Variants in SEPTIN12 observed in about 807,000 individuals in gnomAD.
SEPTIN12 encodes the protein septin-12.
A neutral mutation model predicts 37.7 loss-of-function variants in SEPTIN12; 42 were observed. The ratio of observed to expected loss-of-function variants is 1.11; its 90% CI spans 0.87 to 1.44. The LOEUF (loss-of-function observed/expected upper bound fraction) is 1.44, where lower values mean the gene tolerates loss of function less well. Among genes scored for constraint, SEPTIN12 ranks in the 40% most tolerant of loss-of-function variants. The pLI is 0.00. For missense variants in SEPTIN12, 613 were observed against 479.2 expected (o/e 1.28, Z -2.61); for synonymous variants, 254 against 196.7 (o/e 1.29, Z -2.44).
At chr16:4,789,185 T>A (rs2082508869), upstream of SEPTIN12, among the ~76,000 whole-genome samples, 1 of 152,062 alleles carries the variant, frequency 6.6e-6, no homozygotes, top group Admixed American at 6.5e-5. Context: ...GCTAATTTTG[T>A]ATTTTTAGTA....
intron 7 of SEPTIN12, among the ~76,000 whole-genome samples, chr16:4,781,956 T>TTTTTTTTTTTTTG (rs2082376859): frequency 8.0e-6 from 1 of 124,910 alleles, no homozygotes; most frequent in Non-Finnish European, 1.7e-5. Flanking sequence ...TTTTTTTTTT[T>TTTTTTTTTTTTTG]TTTTTTTTTT....
At chr16:4,783,835 G>A (rs892247102) in intron 5 of SEPTIN12, 69 bp from the exon 6 acceptor site, 5 of 1,598,044 alleles carry the variant, frequency 3.1e-6, no homozygotes, top group East Asian at 2.2e-5. Flanking sequence ...AGCAGGGCAC[G>A]GGGGTGGGGG....
chr16:4,786,547 G>T (rs2082452245), intron 2 of SEPTIN12, among the ~76,000 whole-genome samples: 1 of 151,874 alleles, frequency 6.6e-6, no homozygotes, highest in African/African-American at 2.4e-5. Flanking sequence ...AGTAGAGACG[G>T]GGTTTCACCA....
chr16:4,791,606 C>G (rs1206483670), upstream of SEPTIN12, among the ~76,000 whole-genome samples: 1 of 152,308 alleles, frequency 6.6e-6, no homozygotes, highest in African/African-American at 2.4e-5. Context: ...GTCCAGAAGT[C>G]TGACTCACCG....
Position 4,783,781 on chromosome 16 carries a change from G to A in SEPTIN12, c.513-15C>T, listed in dbSNP as rs1317548105. 4 of 1,611,806 alleles carry A rather than the reference G, an allele frequency of 2.5e-6. No homozygotes were observed. The highest frequency in any genetic ancestry group is 1.7e-5 in the Admixed American group (1 of 60,014). On this transcript the variant is annotated splice_polypyrimidine_tract_variant and intron_variant, in intron 5 of 9. Coordinates refer to ENST00000268231, the MANE Select transcript of SEPTIN12 (RefSeq NM_144605.5). Reference sequence around the variant, plus strand: ...GGGGCCGCAGGCTGCCGGAGGCAGGGCAGTGATGGGGGTGGCGGTGGTGGT... The same window carrying A: ...GGGGCCGCAGGCTGCCGGAGGCAGGACAGTGATGGGGGTGGCGGTGGTGGT...
At chr16:4,784,969 G>T (rs866447958) in intron 4 of SEPTIN12, among the ~76,000 whole-genome samples, 1 of 150,718 alleles carries the variant, frequency 6.6e-6, no homozygotes, top group Non-Finnish European at 1.5e-5. Context: ...AAATTGGGCC[G>T]GGTGCAGTGG....
chr16:4,787,488 A>G lies in SEPTIN12; in HGVS notation c.158T>C (p.Met53Thr). Residue 53 changes from methionine (M) to threonine (T), a missense_variant, in exon 2 of 10, where the codon ATG becomes ACG. By Grantham distance (81) the Met-to-Thr change is moderately conservative. Coordinates refer to ENST00000268231, the MANE Select transcript of SEPTIN12 (RefSeq NM_144605.5). ...CCCTACCTCTCACTCACCCACCACC[A>G]TGATGTTGAACTCAAACCCCATCTT... ...AMKMGFEFNI[M>T]VVGQSGLGKS... is the part of the protein sequence containing the mutation. 2 of 1,612,750 alleles carry G rather than the reference A, an allele frequency of 1.2e-6. No homozygotes were observed. Among genetic ancestry groups the G allele is most frequent in the Non-Finnish European group, 1.7e-6 (2 of 1,179,940 alleles).
upstream of SEPTIN12, among the ~76,000 whole-genome samples, chr16:4,788,964 C>T (rs1394158660): frequency 6.6e-6 from 1 of 152,214 alleles, no homozygotes; most frequent in Non-Finnish European, 1.5e-5. Context: ...AGGCCATGTG[C>T]TTTCCAGACT....
intron 4 of SEPTIN12, among the ~76,000 whole-genome samples, chr16:4,785,030 C>G (rs528389413): frequency 6.6e-6 from 1 of 151,618 alleles, no homozygotes; most frequent in African/African-American, 2.4e-5. Context: ...GCGGACCACC[C>G]GAGGTCAGGA....
chr16:4,787,437 G>A, intron 2 of SEPTIN12, 43 bp downstream of exon 2: 1 of 1,590,978 alleles, frequency 6.3e-7, no homozygotes. Flanking sequence ...GGCACGCGTA[G>A]CACTGTGGGT....
At chr16:4,789,486 C>T (rs150546250), upstream of SEPTIN12, among the ~76,000 whole-genome samples, 2,649 of 151,988 alleles carry the variant, frequency 0.017, 29 homozygotes, top group Non-Finnish European at 0.025. Flanking sequence ...CCACCACGCC[C>T]GGCTAATTTT....
chr16:4,788,918 AG>A, upstream of SEPTIN12: 1 of 152,304 alleles, frequency 6.6e-6, no homozygotes, highest in Non-Finnish European at 1.5e-5. Flanking sequence ...TGTATCTTAG[AG>A]GTTATCACCC....
chr16:4,779,424 C>G (rs2082348587), intron 8 of SEPTIN12, among the ~76,000 whole-genome samples: 1 of 152,190 alleles, frequency 6.6e-6, no homozygotes, highest in Non-Finnish European at 1.5e-5. Context: ...GGGTATTGGG[C>G]ATTGTGCAAA....
At chr16:4,785,617 T>C (rs2082428579) in intron 4 of SEPTIN12, 190 bp downstream of exon 4, 3 of 561,858 alleles carry the variant, frequency 5.3e-6, no homozygotes, top group Non-Finnish European at 9.5e-6. Flanking sequence ...CAACTAAAAA[T>C]ACAAAAAAAA....
intron 7 of SEPTIN12, among the ~76,000 whole-genome samples, chr16:4,781,499 G>T (rs558759654): frequency 1.2e-4 from 18 of 151,828 alleles, no homozygotes; most frequent in South Asian, 2.1e-4. Context: ...TGTCTCTATA[G>T]ATTTGCCTAT....
At position 4,779,804 on chromosome 16, in the gene SEPTIN12, A is replaced by G. The variant is rs1471792922; in HGVS notation, c.727-18T>C. On this transcript the variant is annotated intron_variant, in intron 7 of 9. Coordinates refer to ENST00000268231, the MANE Select transcript of SEPTIN12 (RefSeq NM_144605.5). ...ATTCGGTCCTGGGAAAGGAGAAGAC[A>G]CAGAGATGGGAGGATTGACTTCGCT... The G allele has an allele frequency of 1.9e-6, 3 of 1,555,986 alleles. No homozygotes were observed. The highest frequency in any genetic ancestry group is 1.7e-5 in the Admixed American group (1 of 59,932).
At chr16:4,786,719 C>A (rs2082456671) in intron 2 of SEPTIN12, among the ~76,000 whole-genome samples, 1 of 152,046 alleles carries the variant, frequency 6.6e-6, no homozygotes, top group Non-Finnish European at 1.5e-5. Context: ...GTGATCGCAG[C>A]TCACTGCAAC....
chr16:4,781,870 C>G (rs932430276), intron 7 of SEPTIN12, among the ~76,000 whole-genome samples: 2 of 150,504 alleles, frequency 1.3e-5, no homozygotes, highest in Non-Finnish European at 2.9e-5. Flanking sequence ...TCTCGAACTC[C>G]CGACCTCAGG....
intron 4 of SEPTIN12, chr16:4,784,389 G>C: frequency 3.1e-6 from 1 of 325,552 alleles, no homozygotes; most frequent in South Asian, 3.9e-5. Context: ...CGCGCCTGAT[G>C]GTTGCAGGGG....
Sources: allele counts gnomAD v4.1 joint callset (sites outside exome capture counted in the v4.1 genomes callset), GRCh38; gene constraint gnomAD v4.1.1; transcripts MANE v1.5; gene names NCBI Gene and HGNC (gene_info 2026-07-23, HGNC 2026-07-21).